OSBPL2: variants seen among roughly 807,000 people sequenced by gnomAD.
OSBPL2 encodes oxysterol binding protein like 2, also known as oxysterol-binding protein-related protein 2.
A neutral mutation model predicts 58.4 loss-of-function variants in OSBPL2; 18 were observed. The ratio of observed to expected loss-of-function variants is 0.31; its 90% CI spans 0.21 to 0.46. OSBPL2 has a LOEUF of 0.46. Among genes scored for constraint, OSBPL2 ranks in the 20% least tolerant of loss-of-function variants. The pLI, the probability that OSBPL2 is intolerant of heterozygous loss-of-function variation, is 1.00. For synonymous variants in OSBPL2, 221 were observed against 234.1 expected (o/e 0.94, Z 0.51); for missense variants, 461 against 616.5 (o/e 0.75, Z 2.67).
At chr20:62,284,005 A>C in intron 9 of OSBPL2, 41 bp from the exon 10 acceptor site, 1 of 1,586,132 alleles carries the variant, frequency 6.3e-7, no homozygotes, top group South Asian at 1.1e-5. Context: ...AATGGTTTGT[A>C]ATGACTAAGA....
chr20:62,238,919 GGCCCGGCCCCCCCGAGATCCCCA>G (rs1424109750), intron 1 of OSBPL2: 3 of 141,776 alleles, frequency 2.1e-5, no homozygotes, highest in African/African-American at 7.5e-5. Flanking sequence ...CGGGACCCCC[GGCCCGGCCCCCCCGAGATCCCCA>G]GCCCCCCTGC....
chr20:62,244,317 G>C (rs1036988789), intron 1 of OSBPL2, among the ~76,000 whole-genome samples: 1 of 152,224 alleles, frequency 6.6e-6, no homozygotes, highest in East Asian at 1.9e-4. Context: ...AGCTGCAGCC[G>C]CAGGCTGGGC....
intron 4 of OSBPL2, among the ~76,000 whole-genome samples, chr20:62,268,965 G>C (rs1328444881): frequency 1.3e-5 from 2 of 152,078 alleles, no homozygotes; most frequent in Non-Finnish European, 2.9e-5. Context: ...GCTGAGGCAG[G>C]CGAATCGCTT....
At chr20:62,280,356 CTTAA>C in intron 7 of OSBPL2, 1 of 301,322 alleles carries the variant, frequency 3.3e-6, no homozygotes, top group Non-Finnish European at 6.5e-6. Flanking sequence ...AGTGGCCTTG[CTTAA>C]TTAAGAGGCA....
rs1601189672 is a variant in OSBPL2 at position 62,279,008 on chromosome 20, A to G, written c.492-149A>G. The G allele has an allele frequency of 8.2e-6, 5 of 613,116 alleles. No homozygotes were observed. The East Asian group carries it at 1.4e-4, about 17-fold the overall frequency. The allele number at this position is 613,116 out of a possible 1,614,324, so 38.0% of individuals were successfully genotyped here. A position where few individuals can be genotyped will look rare whatever the true frequency, so the allele number is the denominator to read the frequency against. Reference sequence around the variant, plus strand: ...CGTTAGGCCAAGTGCAATGTCGGAGAGGTGGTGTTGGGTGTTTCCGCCACA... The same window carrying G: ...CGTTAGGCCAAGTGCAATGTCGGAGGGGTGGTGTTGGGTGTTTCCGCCACA... On this transcript the variant is annotated intron_variant, in intron 6 of 13. Transcript: ENST00000313733.
At chr20:62,289,626 G>A (rs998418072) in intron 12 of OSBPL2, among the ~76,000 whole-genome samples, 7 of 152,218 alleles carry the variant, frequency 4.6e-5, no homozygotes, top group African/African-American at 7.2e-5. Context: ...ATCCTAGGCC[G>A]AGCGCGGTGG....
At chr20:62,267,720 G>T (rs1245039118) in intron 4 of OSBPL2, among the ~76,000 whole-genome samples, 2 of 152,176 alleles carry the variant, frequency 1.3e-5, no homozygotes, top group Non-Finnish European at 2.9e-5. Context: ...GGCGAGGACA[G>T]ATTTAGACCG....
intron 6 of OSBPL2, among the ~76,000 whole-genome samples, chr20:62,275,407 T>C (rs923792386): frequency 8.5e-5 from 13 of 152,112 alleles, no homozygotes; most frequent in Non-Finnish European, 1.9e-4. Context: ...TTGTTCCTTT[T>C]TTTTTTTTTG....
chr20:62,268,581 C>T (rs1265003315), intron 4 of OSBPL2, among the ~76,000 whole-genome samples: 1 of 152,158 alleles, frequency 6.6e-6, no homozygotes, highest in Non-Finnish European at 1.5e-5. Context: ...CATGCAGTGA[C>T]TTCTTAATCT....
At chr20:62,265,302 T>G (rs2145941110) in intron 4 of OSBPL2, among the ~76,000 whole-genome samples, 1 of 152,344 alleles carries the variant, frequency 6.6e-6, no homozygotes, top group East Asian at 1.9e-4. Flanking sequence ...TGAGTTGAAT[T>G]CCAGTATAGT....
At chr20:62,261,131 C>T (rs1344149157) in intron 3 of OSBPL2, among the ~76,000 whole-genome samples, 5 of 152,040 alleles carry the variant, frequency 3.3e-5, no homozygotes, top group Non-Finnish European at 7.4e-5. Context: ...TCCTGGCCAA[C>T]ATGGAGAAAC....
intron 3 of OSBPL2, among the ~76,000 whole-genome samples, chr20:62,263,126 C>T (rs943049059): frequency 1.5e-4 from 23 of 152,192 alleles, no homozygotes; most frequent in Admixed American, 8.5e-4. Flanking sequence ...GCATGGGCTC[C>T]GCCTTGCAGC....
chr20:62,267,021 G>T (rs893322818), intron 4 of OSBPL2, among the ~76,000 whole-genome samples: 1 of 152,222 alleles, frequency 6.6e-6, no homozygotes, highest in Non-Finnish European at 1.5e-5. Flanking sequence ...AGGCTGAGGC[G>T]AGAGGATCGC....
intron 4 of OSBPL2, 46 bp from the exon 5 acceptor site, chr20:62,272,079 T>C: frequency 6.2e-7 from 1 of 1,608,986 alleles, no homozygotes; most frequent in Non-Finnish European, 8.5e-7. Flanking sequence ...AGCCCAGCGG[T>C]GTCAGGAAGG....
intron 6 of OSBPL2, among the ~76,000 whole-genome samples, chr20:62,274,554 G>C (rs1982264612): frequency 6.6e-6 from 1 of 152,228 alleles, no homozygotes; most frequent in Non-Finnish European, 1.5e-5. Context: ...GAAGGAGGGA[G>C]GGGCAGGGCA....
intron 4 of OSBPL2, among the ~76,000 whole-genome samples, chr20:62,270,251 C>T (rs1981970853): frequency 6.6e-6 from 1 of 152,144 alleles, no homozygotes; most frequent in Non-Finnish European, 1.5e-5. Context: ...TGGGAACCCA[C>T]AGCAAGTGGA....
intron 5 of OSBPL2, among the ~76,000 whole-genome samples, chr20:62,272,513 C>T (rs1199745022): frequency 6.6e-6 from 1 of 152,228 alleles, no homozygotes; most frequent in Non-Finnish European, 1.5e-5. Context: ...CGGGAGACTC[C>T]GCCTCTTGGA....
intron 1 of OSBPL2, among the ~76,000 whole-genome samples, chr20:62,241,502 C>T (rs576731519): frequency 2.0e-5 from 3 of 152,340 alleles, no homozygotes; most frequent in East Asian, 3.9e-4. Context: ...GGGAAGCTGC[C>T]ATCTCCTCAA....
Position 62,286,616 on chromosome 20 carries a change from G to GCTGACGACGTGC in OSBPL2, c.1034_1045dup (p.Asp345_Pro348dup), listed in dbSNP as rs774707452. 6.2e-7 allele frequency: 1 copy of GCTGACGACGTGC among 1,613,688 alleles called. No individual in the cohort carries two copies. Among genetic ancestry groups the GCTGACGACGTGC allele is most frequent in the South Asian group, 1.1e-5 (1 of 91,086 alleles). On this transcript the variant is annotated inframe_insertion, in exon 11 of 14. Coordinates refer to ENST00000313733, the MANE Select transcript of OSBPL2 (RefSeq NM_144498.4). ...CTCCGGGAAGGCTGACAGCGACGTG[G>GCTGACGACGTGC]CTGACGACGTGCCTGTGGCCCAGGA...
Sources: gnomAD v4.1 joint callset for allele counts (sites outside exome capture counted in the v4.1 genomes callset) on GRCh38, gnomAD v4.1.1 for gene constraint, MANE v1.5 for transcripts, NCBI Gene and HGNC (gene_info 2026-07-23, HGNC 2026-07-21) for gene names.